Variants in ARHGAP15 observed in about 807,000 individuals in gnomAD.
The protein encoded by ARHGAP15 is Rho GTPase activating protein 15.
In ARHGAP15, 51 loss-of-function variants were observed where a neutral mutation model predicts 63.7. The ratio of observed to expected loss-of-function variants is 0.80; its 90% CI spans 0.64 to 1.01. ARHGAP15 has a LOEUF of 1.01. Ranked by LOEUF, ARHGAP15 falls within the 50% of genes least tolerant of loss-of-function variation. ARHGAP15 has a pLI of 0.00. For missense variants in ARHGAP15, 560 were observed against 564.6 expected (o/e 0.99, Z 0.08); for synonymous variants, 191 against 193.8 (o/e 0.99, Z 0.12).
At chr2:143,667,476 C>T (rs1321191090) in intron 12 of ARHGAP15, among the ~76,000 whole-genome samples, 2 of 145,682 alleles carry the variant, frequency 1.4e-5, no homozygotes, top group South Asian at 2.3e-4. Flanking sequence ...TGCTAGATGA[C>T]GAGTTAGTGG....
At chr2:143,683,667 ATTTCT>A (rs1419031669) in intron 12 of ARHGAP15, among the ~76,000 whole-genome samples, 1 of 152,324 alleles carries the variant, frequency 6.6e-6, no homozygotes, top group African/African-American at 2.4e-5. Flanking sequence ...TTCAGGAATA[ATTTCT>A]TTTCAAATAT....
chr2:143,364,414 G>C (rs554327007), intron 6 of ARHGAP15, among the ~76,000 whole-genome samples: 1 of 152,204 alleles, frequency 6.6e-6, no homozygotes, highest in African/African-American at 2.4e-5. Flanking sequence ...AAGTGGGAGG[G>C]ACAGCATTTC....
intron 11 of ARHGAP15, among the ~76,000 whole-genome samples, chr2:143,616,770 G>T (rs544205307): frequency 3.3e-5 from 5 of 152,232 alleles, no homozygotes; most frequent in Admixed American, 2.6e-4. Context: ...AGCTTCCTGG[G>T]GGTTACTGTG....
intron 9 of ARHGAP15, among the ~76,000 whole-genome samples, chr2:143,510,847 T>C (rs1393908987): frequency 6.6e-6 from 1 of 152,258 alleles, no homozygotes; most frequent in African/African-American, 2.4e-5. Context: ...TGAAGTTTAC[T>C]AGAATCGCTG....
chr2:143,638,211 T>C (rs1174902131), intron 12 of ARHGAP15, among the ~76,000 whole-genome samples: 3 of 144,764 alleles, frequency 2.1e-5, no homozygotes, highest in Non-Finnish European at 3.1e-5. Context: ...CGTATGTTTA[T>C]TGCGGCACTA....
chr2:143,532,829 T>C (rs1188932163), intron 10 of ARHGAP15, among the ~76,000 whole-genome samples: 1 of 152,232 alleles, frequency 6.6e-6, no homozygotes, highest in African/African-American at 2.4e-5. Context: ...TCAAAAGATA[T>C]TGCATAGATA....
At chr2:143,715,545 AAAT>A (rs1206580317) in intron 13 of ARHGAP15, among the ~76,000 whole-genome samples, 24 of 152,336 alleles carry the variant, frequency 1.6e-4, no homozygotes, top group South Asian at 6.2e-4. Context: ...CTGATTATAA[AAAT>A]AATAATACTT....
intron 11 of ARHGAP15, among the ~76,000 whole-genome samples, chr2:143,622,781 TAAAAA>T (rs34925907): frequency 0.019 from 2,123 of 109,036 alleles, 35 homozygotes; most frequent in Non-Finnish European, 0.024. Flanking sequence ...TTCATTTATT[TAAAAA>T]AAAAAAAAAA....
At chr2:143,439,740 C>T (rs991048401) in intron 8 of ARHGAP15, among the ~76,000 whole-genome samples, 2 of 152,098 alleles carry the variant, frequency 1.3e-5, no homozygotes, top group African/African-American at 4.8e-5. Context: ...CAAACCCAAG[C>T]AGTCTTATTT....
intron 8 of ARHGAP15, among the ~76,000 whole-genome samples, chr2:143,453,797 CG>C (rs1291694434): frequency 9.8e-5 from 14 of 142,620 alleles, no homozygotes; most frequent in African/African-American, 3.0e-4. Context: ...TTTATCCAAT[CG>C]GAAAAAAAAA....
intron 4 of ARHGAP15, among the ~76,000 whole-genome samples, chr2:143,218,109 A>AT (rs1692829588): frequency 1.3e-5 from 2 of 152,028 alleles, no homozygotes. Context: ...GTTTTATTCA[A>AT]TTTGTATACT....
intron 1 of ARHGAP15, among the ~76,000 whole-genome samples, chr2:143,138,370 C>T (rs1689229360): frequency 6.6e-6 from 1 of 151,988 alleles, no homozygotes; most frequent in African/African-American, 2.4e-5. Context: ...ATGTTATTTT[C>T]AGTATGCCAT....
chr2:143,512,722 C>A (rs1342250986), intron 9 of ARHGAP15, among the ~76,000 whole-genome samples: 1 of 152,212 alleles, frequency 6.6e-6, no homozygotes, highest in Non-Finnish European at 1.5e-5. Context: ...ATTTATGGAG[C>A]TCATGACATG....
At chr2:143,161,010 A>AT (rs1247746653) in intron 2 of ARHGAP15, among the ~76,000 whole-genome samples, 1 of 151,994 alleles carries the variant, frequency 6.6e-6, no homozygotes, top group Non-Finnish European at 1.5e-5. Context: ...CATGAGATAC[A>AT]TTTTTTTAAA....
intron 13 of ARHGAP15, among the ~76,000 whole-genome samples, chr2:143,750,900 T>G (rs1686347235): frequency 6.6e-6 from 1 of 152,232 alleles, no homozygotes. Context: ...TATCTCAGTT[T>G]TGCTGATAAT....
At chr2:143,333,375 T>TG (rs1364998473) in intron 6 of ARHGAP15, among the ~76,000 whole-genome samples, 1 of 152,202 alleles carries the variant, frequency 6.6e-6, no homozygotes, top group Non-Finnish European at 1.5e-5. Flanking sequence ...TGGCATGCCA[T>TG]GTCTATGTAA....
At chr2:143,272,429 G>A (rs1187847898) in intron 6 of ARHGAP15, among the ~76,000 whole-genome samples, 1 of 151,992 alleles carries the variant, frequency 6.6e-6, no homozygotes, top group Admixed American at 6.6e-5. Context: ...TCAGGAGTTC[G>A]AGACCAGCTA....
intron 9 of ARHGAP15, among the ~76,000 whole-genome samples, chr2:143,497,198 C>T (rs370231300): frequency 6.6e-6 from 1 of 152,152 alleles, no homozygotes; most frequent in East Asian, 1.9e-4. Flanking sequence ...AAAACAGATA[C>T]AAAACCTCCC....
At chr2:143,465,962 C>T (rs1466187804) in intron 8 of ARHGAP15, among the ~76,000 whole-genome samples, 1 of 152,116 alleles carries the variant, frequency 6.6e-6, no homozygotes, top group Non-Finnish European at 1.5e-5. Context: ...TTAACAGATA[C>T]CCCAGCACTG....
Sources: gnomAD v4.1 joint callset for allele counts (sites outside exome capture counted in the v4.1 genomes callset) on GRCh38, gnomAD v4.1.1 for gene constraint, MANE v1.5 for transcripts, NCBI Gene and HGNC (gene_info 2026-07-23, HGNC 2026-07-21) for gene names.